GRM8: variants seen among roughly 807,000 people sequenced by gnomAD.
GRM8 encodes the protein metabotropic glutamate receptor 8.
GRM8 carries 47 observed loss-of-function variants against 87.2 expected under a neutral mutation model. The observed-to-expected ratio is 0.54, with a 90% CI of 0.43 to 0.69. The LOEUF (loss-of-function observed/expected upper bound fraction) is 0.69, where lower values mean the gene tolerates loss of function less well. GRM8 is among the 30% of genes least tolerant of loss of function. The pLI is 0.00. For synonymous variants in GRM8, 396 were observed against 404.5 expected (o/e 0.98, Z 0.25); for missense variants, 1,019 against 1,139.2 (o/e 0.89, Z 1.52).
intron 6 of GRM8, among the ~76,000 whole-genome samples, chr7:126,876,650 A>C (rs956186880): frequency 1.3e-4 from 20 of 152,314 alleles, no homozygotes; most frequent in African/African-American, 4.8e-4. Flanking sequence ...AGGCTAATCT[A>C]TCCTTAGCTC....
intron 7 of GRM8, among the ~76,000 whole-genome samples, chr7:126,765,775 C>T (rs1480322097): frequency 6.6e-6 from 1 of 151,982 alleles, no homozygotes; most frequent in Non-Finnish European, 1.5e-5. Context: ...TCTTTGTTTC[C>T]TTCTGGCTTC....
intron 8 of GRM8, among the ~76,000 whole-genome samples, chr7:126,586,770 G>A (rs1796175796): frequency 6.6e-6 from 1 of 152,106 alleles, no homozygotes; most frequent in Non-Finnish European, 1.5e-5. Flanking sequence ...ATAGGCATGG[G>A]CAAGGACTTC....
At chr7:127,074,345 C>T (rs1822039998) in intron 3 of GRM8, among the ~76,000 whole-genome samples, 1 of 152,038 alleles carries the variant, frequency 6.6e-6, no homozygotes, top group African/African-American at 2.4e-5. Context: ...TTTCATTCAC[C>T]CATCACATCT....
chr7:126,606,959 A>G (rs1034271604), intron 8 of GRM8, among the ~76,000 whole-genome samples: 10 of 152,206 alleles, frequency 6.6e-5, no homozygotes, highest in African/African-American at 2.4e-4. Flanking sequence ...TAGTGTATAT[A>G]TTTCTCAAAC....
chr7:126,797,352 C>A (rs1347476660), intron 6 of GRM8, among the ~76,000 whole-genome samples: 1 of 152,080 alleles, frequency 6.6e-6, no homozygotes, highest in Non-Finnish European at 1.5e-5. Flanking sequence ...TGTGGTTTAT[C>A]ATCTATTATT....
rs1017644267 is a variant in GRM8, at chr7:126,736,297, C to T, written c.1357+33568G>A. On this transcript the variant is annotated intron_variant, in intron 7 of 10. Coordinates refer to ENST00000339582, the MANE Select transcript of GRM8 (RefSeq NM_000845.3). ...TTACAACTATGTACCTATTTAAATT[C>T]TTAAGCCATTTTTATTTTTAATTTC... 6.6e-5 allele frequency among the ~76,000 whole-genome samples: 10 copies of T among 152,162 alleles called. No homozygotes were observed. In the South Asian group the frequency reaches 8.3e-4, roughly 13 times the overall value.
intron 9 of GRM8, among the ~76,000 whole-genome samples, chr7:126,531,509 A>G (rs763236087): frequency 1.3e-5 from 2 of 152,216 alleles, no homozygotes; most frequent in Non-Finnish European, 2.9e-5. Context: ...CACCTCCCAC[A>G]GTCTCAGCAA....
At chr7:126,683,027 C>T (rs1044842495) in intron 7 of GRM8, among the ~76,000 whole-genome samples, 7 of 151,742 alleles carry the variant, frequency 4.6e-5, no homozygotes, top group Admixed American at 1.3e-4. Flanking sequence ...CCAGCCTGGG[C>T]GACAGAGCAA....
intron 2 of GRM8, among the ~76,000 whole-genome samples, chr7:127,202,160 AC>A (rs1395291162): frequency 6.8e-6 from 1 of 148,058 alleles, no homozygotes; most frequent in African/African-American, 2.5e-5. Flanking sequence ...TACCATGATA[AC>A]AGAACTTTCT....
intron 7 of GRM8, among the ~76,000 whole-genome samples, chr7:126,623,318 CAT>C (rs555047859): frequency 8.5e-4 from 130 of 152,048 alleles, no homozygotes; most frequent in Admixed American, 4.7e-3. Context: ...TTAATGGTGA[CAT>C]TAATTTTAAT....
chr7:127,037,888 A>G (rs911063844), intron 3 of GRM8, among the ~76,000 whole-genome samples: 2 of 151,840 alleles, frequency 1.3e-5, no homozygotes, highest in Non-Finnish European at 2.9e-5. Flanking sequence ...ATATAGTGTC[A>G]GGAAAAAACT....
At chr7:126,529,140 A>G (rs888985902) in intron 9 of GRM8, among the ~76,000 whole-genome samples, 3 of 152,204 alleles carry the variant, frequency 2.0e-5, no homozygotes, top group African/African-American at 7.2e-5. Context: ...ACTTTTTAGA[A>G]AAAAATCTAC....
chr7:127,225,875 C>A (rs1587326423), intron 2 of GRM8, among the ~76,000 whole-genome samples: 1 of 151,802 alleles, frequency 6.6e-6, no homozygotes, highest in African/African-American at 2.4e-5. Context: ...TGTTTCTAGA[C>A]CCTTAACTTT....
intron 6 of GRM8, among the ~76,000 whole-genome samples, chr7:126,844,067 T>C (rs1352469885): frequency 6.6e-6 from 1 of 152,198 alleles, no homozygotes; most frequent in Non-Finnish European, 1.5e-5. Flanking sequence ...CCAAGCAGAC[T>C]CAGATAGTAG....
intron 2 of GRM8, among the ~76,000 whole-genome samples, chr7:127,169,636 A>G (rs1351144954): frequency 6.6e-6 from 1 of 152,228 alleles, no homozygotes; most frequent in African/African-American, 2.4e-5. Flanking sequence ...GGAAAGCTCA[A>G]TGCTTGGCTT....
At chr7:126,848,622 A>C (rs1482998150) in intron 6 of GRM8, among the ~76,000 whole-genome samples, 1 of 152,012 alleles carries the variant, frequency 6.6e-6, no homozygotes, top group African/African-American at 2.4e-5. Flanking sequence ...GAAATTCGAG[A>C]CCAGCCTGGG....
chr7:126,780,579 T>G (rs1001079150), intron 6 of GRM8, among the ~76,000 whole-genome samples: 2 of 150,506 alleles, frequency 1.3e-5, no homozygotes, highest in African/African-American at 2.5e-5. Flanking sequence ...TAAATGGGAG[T>G]GAATTAGGTG....
chr7:126,716,253 G>T (rs1563118703), intron 7 of GRM8, among the ~76,000 whole-genome samples: 1 of 151,284 alleles, frequency 6.6e-6, no homozygotes. Context: ...ATATAGTCAG[G>T]GTCTTAGACT....
At chr7:126,559,492 A>G (rs1472994616) in intron 8 of GRM8, among the ~76,000 whole-genome samples, 1 of 152,138 alleles carries the variant, frequency 6.6e-6, no homozygotes, top group African/African-American at 2.4e-5. Context: ...TAATTTTGAC[A>G]CTAGTTGGTA....
Sources: allele counts gnomAD v4.1 joint callset (sites outside exome capture counted in the v4.1 genomes callset), GRCh38; gene constraint gnomAD v4.1.1; transcripts MANE v1.5; gene names NCBI Gene and HGNC (gene_info 2026-07-23, HGNC 2026-07-21).